ACTL8: variants seen among roughly 807,000 people sequenced by gnomAD.
ACTL8 encodes the protein actin-like protein 8.
A neutral mutation model predicts 9.3 loss-of-function variants in ACTL8; 3 were observed. The ratio of observed to expected loss-of-function variants is 0.32; its 90% CI spans 0.15 to 0.83. The LOEUF (loss-of-function observed/expected upper bound fraction) is 0.83, where lower values mean the gene tolerates loss of function less well. Ranked by LOEUF, ACTL8 falls within the 40% of genes least tolerant of loss-of-function variation. ACTL8 has a pLI of 0.57. For missense variants in ACTL8, 381 were observed against 492.2 expected (o/e 0.77, Z 2.14); for synonymous variants, 224 against 205.9 (o/e 1.09, Z -0.75).
At chr1:17,804,281 G>T (rs1164878142) in intron 1 of ACTL8, among the ~76,000 whole-genome samples, 1 of 152,158 alleles carries the variant, frequency 6.6e-6, no homozygotes, top group African/African-American at 2.4e-5. Flanking sequence ...GGGTCTTTGG[G>T]GGTCTTGTGT....
chr1:17,786,707 T>G (rs1030237088), intron 1 of ACTL8, among the ~76,000 whole-genome samples: 2 of 152,156 alleles, frequency 1.3e-5, no homozygotes, highest in Non-Finnish European at 2.9e-5. Flanking sequence ...TTTTTAATTA[T>G]TATTTTTTTA....
Position 17,774,938 on chromosome 1 carries a change from C to T in ACTL8, c.-25+19434C>T, listed in dbSNP as rs543047280. On this transcript the variant is annotated intron_variant, in intron 1 of 2. Coordinates refer to ENST00000375406, the MANE Select transcript of ACTL8 (RefSeq NM_030812.3). ...ATGCCAGGCTCCCCTTTCATCTCTCCAGTCATCTTCATTTACCTGATTCCT... is the reference window on the plus strand; with the variant it reads ...ATGCCAGGCTCCCCTTTCATCTCTCTAGTCATCTTCATTTACCTGATTCCT... 2.2e-4 allele frequency among the ~76,000 whole-genome samples: 34 copies of T among 152,324 alleles called. No homozygotes were observed. In the East Asian group the frequency reaches 4.8e-3, roughly 22 times the overall value.
intron 1 of ACTL8, among the ~76,000 whole-genome samples, chr1:17,763,071 A>C (rs1254035083): frequency 6.6e-6 from 1 of 152,074 alleles, no homozygotes; most frequent in Non-Finnish European, 1.5e-5. Flanking sequence ...TTTGGGCCAG[A>C]GTAGCCTAGG....
Position 17,826,351 on chromosome 1 carries a change from G to T in ACTL8, c.933G>T (p.Leu311=), listed in dbSNP as rs1440869533. Residue 311 remains leucine (L), a synonymous_variant, in exon 3 of 3, where the codon CTG becomes CTT. Transcript: ENST00000375406. This position sits in a 1 kb window ranked among gnomAD's most constrained non-coding sequence, Gnocchi z 4.5. ...TCTATCCCGGGTTCACAAAGCGCCT[G>T]TTCAGGGAGCTGATGGGGGATCACG... ...NTLYPGFTKR[L]FRELMGDHVS... 6.2e-7 allele frequency: 1 copy of T among 1,613,984 alleles called. No homozygotes were observed. The highest frequency in any genetic ancestry group is 1.3e-5 in the African/African-American group (1 of 74,936).
chr1:17,773,459 T>C (rs115490811), intron 1 of ACTL8, among the ~76,000 whole-genome samples: 4,631 of 152,314 alleles, frequency 0.03, 107 homozygotes, highest in Middle Eastern at 0.054. Context: ...CATTAACAAA[T>C]GCAGGCTCTT....
intron 1 of ACTL8, among the ~76,000 whole-genome samples, chr1:17,808,815 G>C (rs765185309): frequency 6.6e-6 from 1 of 152,194 alleles, no homozygotes; most frequent in African/African-American, 2.4e-5. Flanking sequence ...TTTAGGCAGA[G>C]AGGAGATGTA....
At chr1:17,790,009 G>A (rs967117347) in intron 1 of ACTL8, among the ~76,000 whole-genome samples, 1 of 152,246 alleles carries the variant, frequency 6.6e-6, no homozygotes, top group African/African-American at 2.4e-5. Context: ...ATGGCAAGGG[G>A]TGTGTGAGCA....
chr1:17,793,548 C>T (rs7536978), intron 1 of ACTL8, among the ~76,000 whole-genome samples: 15,491 of 152,174 alleles, frequency 0.1, 898 homozygotes, highest in Admixed American at 0.16. Context: ...TAATCTGATT[C>T]ATTTTAGAAC....
At chr1:17,796,197 A>G (rs1557438739) in intron 1 of ACTL8, among the ~76,000 whole-genome samples, 1 of 151,622 alleles carries the variant, frequency 6.6e-6, no homozygotes, top group East Asian at 1.9e-4. Context: ...TCTGCTGGGG[A>G]TGGTTTGGTT....
chr1:17,762,679 C>T (rs1164444169), intron 1 of ACTL8, among the ~76,000 whole-genome samples: 2 of 152,110 alleles, frequency 1.3e-5, no homozygotes, highest in African/African-American at 4.8e-5. Context: ...AGCCCAGGGG[C>T]TGGCGTTTGT....
rs1482937634 is a variant in ACTL8, at chr1:17,767,989, T to C, written c.-25+12485T>C. Among the ~76,000 whole-genome samples, 1 of 151,966 alleles carries C rather than the reference T, an allele frequency of 6.6e-6. No homozygotes were observed. Among genetic ancestry groups the C allele is most frequent in the Non-Finnish European group, 1.5e-5 (1 of 68,020 alleles). On this transcript the variant is annotated intron_variant, in intron 1 of 2. Coordinates refer to ENST00000375406, the MANE Select transcript of ACTL8 (RefSeq NM_030812.3). This position sits in a 1 kb window ranked among gnomAD's most constrained non-coding sequence, Gnocchi z 4.7. ...GTCCTGGGGGGCAGGGGTGAGCATATATGTGATGTGGGGTTTTAGAGAATC... is the reference window on the plus strand; with the variant it reads ...GTCCTGGGGGGCAGGGGTGAGCATACATGTGATGTGGGGTTTTAGAGAATC...
chr1:17,803,133 C>A (rs1052869271), intron 1 of ACTL8, among the ~76,000 whole-genome samples: 2 of 151,988 alleles, frequency 1.3e-5, no homozygotes, highest in African/African-American at 4.8e-5. Flanking sequence ...GAGGCGGTTA[C>A]CCCCATGCTA....
At chr1:17,760,632 A>G (rs1260532782) in intron 1 of ACTL8, among the ~76,000 whole-genome samples, 4 of 152,186 alleles carry the variant, frequency 2.6e-5, no homozygotes, top group Non-Finnish European at 5.9e-5. Flanking sequence ...TGCCCTGCTT[A>G]GAGACAACTC....
intron 2 of ACTL8, among the ~76,000 whole-genome samples, chr1:17,824,343 A>T (rs1170878949): frequency 1.3e-5 from 2 of 152,232 alleles, no homozygotes; most frequent in African/African-American, 4.8e-5. Context: ...AGAAAAAAGA[A>T]CATATGCTCA....
At chr1:17,779,699 G>A (rs1259665681) in intron 1 of ACTL8, among the ~76,000 whole-genome samples, 1 of 152,134 alleles carries the variant, frequency 6.6e-6, no homozygotes, top group Non-Finnish European at 1.5e-5. Context: ...TGGGGCCTCC[G>A]TGTTTACCGC....
intron 2 of ACTL8, among the ~76,000 whole-genome samples, chr1:17,824,496 C>A (rs1381319279): frequency 6.6e-6 from 1 of 152,184 alleles, no homozygotes; most frequent in African/African-American, 2.4e-5. Context: ...GCAGCAGAGA[C>A]TGTTTGAGAC....
chr1:17,756,220 G>A (rs890820201), intron 1 of ACTL8, among the ~76,000 whole-genome samples: 1 of 151,836 alleles, frequency 6.6e-6, no homozygotes, highest in Admixed American at 6.6e-5. Context: ...TTCCCAGGGG[G>A]CCTCAGCCCT....
In ACTL8 at chr1:17,767,411, G is replaced by A. The variant is rs534605826; in HGVS notation, c.-25+11907G>A. 6.6e-6 allele frequency among the ~76,000 whole-genome samples: 1 copy of A among 152,124 alleles called. No homozygotes were observed. Among genetic ancestry groups the A allele is most frequent in the Admixed American group, 6.5e-5 (1 of 15,280 alleles). ...ACGATGCTGGCAACTTAGCCTCAGG[G>A]TGCTTCTAAAGAGTCTCTTCTTAGA... On this transcript the variant is annotated intron_variant, in intron 1 of 2. Coordinates refer to ENST00000375406, the MANE Select transcript of ACTL8 (RefSeq NM_030812.3). The surrounding 1 kb of genome is among the most constrained non-coding windows in gnomAD (Gnocchi z 4.7).
chr1:17,799,817 G>T (rs1253282269), intron 1 of ACTL8, among the ~76,000 whole-genome samples: 1 of 152,048 alleles, frequency 6.6e-6, no homozygotes, highest in Admixed American at 6.6e-5. Flanking sequence ...CTGTAAATCA[G>T]CTCCGCCCCC....
Sources: allele counts gnomAD v4.1 joint callset (sites outside exome capture counted in the v4.1 genomes callset), GRCh38; gene constraint gnomAD v4.1.1; non-coding constraint Gnocchi (gnomAD v3.1); transcripts MANE v1.5; gene names NCBI Gene and HGNC (gene_info 2026-07-23, HGNC 2026-07-21).